ABCA4: variants seen among roughly 807,000 people sequenced by gnomAD.
ABCA4 encodes the protein retinal-specific phospholipid-transporting ATPase ABCA4.
A neutral mutation model predicts 263.7 loss-of-function variants in ABCA4; 196 were observed. The ratio of observed to expected loss-of-function variants is 0.74; its 90% CI spans 0.66 to 0.84. The LOEUF is 0.84. ABCA4 is among the 40% of genes least tolerant of loss of function. The probability of loss-of-function intolerance (pLI) is 0.00; values close to 1 mark genes in which losing one functional copy is unlikely to be tolerated. For missense variants in ABCA4, 2,792 were observed against 2,855.1 expected (o/e 0.98, Z 0.50); for synonymous variants, 1,133 against 1,094.2 (o/e 1.04, Z -0.70).
intron 42 of ABCA4, 71 bp from the exon 43 acceptor site, chr1:94,007,811 G>A: frequency 1.4e-6 from 2 of 1,387,176 alleles, no homozygotes; most frequent in Non-Finnish European, 2.0e-6. Context: ...CCCAGGGTAA[G>A]TGTGTGTGTG....
chr1:94,040,023 A>T lies in ABCA4; in HGVS notation c.3607+20T>A. On this transcript the variant is annotated intron_variant, in intron 24 of 49. Coordinates refer to ENST00000370225, the MANE Select transcript of ABCA4 (RefSeq NM_000350.3). ...GATGGCTGCCAGACGGAACCCAAGT[A>T]TGGCCCGTCCAGTCCTTACCATCCA... 1 of 1,582,502 alleles carries T rather than the reference A, an allele frequency of 6.3e-7. No homozygotes were observed. The highest frequency in any genetic ancestry group is 8.6e-7 in the Non-Finnish European group (1 of 1,160,440).
chr1:94,111,255 A>G (rs1015564565), intron 3 of ABCA4, among the ~76,000 whole-genome samples, 183 bp downstream of exon 3: 1 of 152,226 alleles, frequency 6.6e-6, no homozygotes, highest in African/African-American at 2.4e-5. Context: ...ATTTCTCCCC[A>G]AGTGCCCTGA....
chr1:94,018,315 C>T (rs753264500), intron 36 of ABCA4, among the ~76,000 whole-genome samples: 4 of 152,192 alleles, frequency 2.6e-5, no homozygotes, highest in African/African-American at 4.8e-5. Flanking sequence ...AGTAACTTTT[C>T]GGTACCGGTG....
At chr1:94,026,329 G>A (rs796878514) in intron 30 of ABCA4, among the ~76,000 whole-genome samples, 2 of 152,160 alleles carry the variant, frequency 1.3e-5, no homozygotes, top group African/African-American at 4.8e-5. Flanking sequence ...CCTGTGTGTC[G>A]GGCACTATGT....
intron 26 of ABCA4, among the ~76,000 whole-genome samples, chr1:94,034,385 T>G (rs572889637): frequency 6.6e-5 from 10 of 152,256 alleles, no homozygotes; most frequent in African/African-American, 1.4e-4. Context: ...ATCATTTCCA[T>G]GTTGATCCCT....
chr1:94,073,675 G>A (rs893910926), intron 11 of ABCA4, among the ~76,000 whole-genome samples: 3 of 152,190 alleles, frequency 2.0e-5, no homozygotes, highest in Non-Finnish European at 4.4e-5. Flanking sequence ...TCCAGAGACT[G>A]AATTCTTAAC....
At chr1:94,047,286 T>C (rs986149434) in intron 18 of ABCA4, among the ~76,000 whole-genome samples, 193 bp from the exon 19 acceptor site, 5 of 152,336 alleles carry the variant, frequency 3.3e-5, no homozygotes, top group African/African-American at 1.2e-4. Context: ...ACCTCCTATA[T>C]GCCAGGCACT....
At chr1:94,025,410 C>T (rs1165632489) in intron 30 of ABCA4, among the ~76,000 whole-genome samples, 1 of 152,178 alleles carries the variant, frequency 6.6e-6, no homozygotes, top group East Asian at 1.9e-4. Context: ...CCGTTTTCCA[C>T]CCAGCAGCCA....
At position 94,031,846 on chromosome 1, in the gene ABCA4, G is replaced by A; in HGVS notation, c.4060C>T (p.His1354Tyr). The change falls in exon 27 of 50, where the codon CAT (histidine) becomes TAT (tyrosine). Residue 1354 changes from histidine to tyrosine, a missense_variant. Coordinates refer to ENST00000370225, the MANE Select transcript of ABCA4 (RefSeq NM_000350.3). ...CTCTTGACCAGCAGCGCCTGCACATGCTGGAGGACCAGCTGTGTCCCCGTG... is the reference window on the plus strand; with the variant it reads ...CTCTTGACCAGCAGCGCCTGCACATACTGGAGGACCAGCTGTGTCCCCGTG... Reference protein sequence around the residue: ...LNTGTQLVLQHVQALLVKRFQ... With the variant: ...LNTGTQLVLQYVQALLVKRFQ... 2 of 1,614,172 alleles carry A rather than the reference G, an allele frequency of 1.2e-6. No individual in the cohort carries two copies. The highest frequency in any genetic ancestry group is 1.7e-6 in the Non-Finnish European group (2 of 1,180,032).
At chr1:94,074,689 G>C (rs1038358683) in intron 11 of ABCA4, among the ~76,000 whole-genome samples, 2 of 152,216 alleles carry the variant, frequency 1.3e-5, no homozygotes, top group African/African-American at 4.8e-5. Flanking sequence ...ATAGATGCTG[G>C]TGAGGCTGTT....
At chr1:94,020,442 C>G (rs1218426500) in intron 35 of ABCA4, among the ~76,000 whole-genome samples, 1 of 152,348 alleles carries the variant, frequency 6.6e-6, no homozygotes, top group Non-Finnish European at 1.5e-5. Flanking sequence ...GTGGTAGTCA[C>G]TACCTTGATA....
chr1:94,090,763 G>T (rs1250776644), intron 6 of ABCA4, among the ~76,000 whole-genome samples: 2 of 152,176 alleles, frequency 1.3e-5, no homozygotes, highest in Non-Finnish European at 2.9e-5. Context: ...TCTGGGCATG[G>T]TACACAGTAG....
chr1:94,047,927 C>G (rs1020487969), intron 18 of ABCA4, among the ~76,000 whole-genome samples: 3 of 152,218 alleles, frequency 2.0e-5, no homozygotes, highest in African/African-American at 7.2e-5. Context: ...TACTGTAGCT[C>G]TAAGCATTTC....
At chr1:94,064,984 A>C (rs569724167) in intron 11 of ABCA4, among the ~76,000 whole-genome samples, 1 of 152,280 alleles carries the variant, frequency 6.6e-6, no homozygotes, top group South Asian at 2.1e-4. Context: ...TGCAGGCTTT[A>C]AGGAACAGAT....
intron 36 of ABCA4, among the ~76,000 whole-genome samples, chr1:94,016,079 C>G (rs1318710267): frequency 1.3e-5 from 2 of 152,166 alleles, no homozygotes; most frequent in Non-Finnish European, 2.9e-5. Context: ...TAGTTTGTAT[C>G]TTTTGAAAGG....
At position 94,041,279 on chromosome 1, in the gene ABCA4, A is replaced by G; in HGVS notation, c.3452T>C (p.Phe1151Ser). 6.2e-7 allele frequency: 1 copy of G among 1,614,136 alleles called. No individual in the cohort carries two copies. The highest frequency in any genetic ancestry group is 8.5e-7 in the Non-Finnish European group (1 of 1,180,008). ...SGTPLFLKNC[F>S]GTGLYLTLVR... is the part of the protein sequence containing the mutation. ...CAAGGTTAAGTACAAGCCTGTGCCA[A>G]AGCAGTTCTTCAGGAAGAGTGGGGT... is the stretch of plus-strand genomic sequence containing the variant. The change falls in exon 23 of 50, where the codon TTT becomes TCT. Residue 1151 changes from phenylalanine (F) to serine (S), a missense_variant. Phe to Ser is a radical substitution (Grantham distance 155, BLOSUM62 -2). Coordinates refer to ENST00000370225, the MANE Select transcript of ABCA4 (RefSeq NM_000350.3).
chr1:94,077,406 A>G (rs1177210058), intron 11 of ABCA4, among the ~76,000 whole-genome samples: 7 of 152,196 alleles, frequency 4.6e-5, no homozygotes, highest in Non-Finnish European at 1.0e-4. Flanking sequence ...GTCAGACAGA[A>G]GAGGGTTGAG....
chr1:94,028,685 T>C (rs970711395), intron 30 of ABCA4, among the ~76,000 whole-genome samples: 2 of 151,992 alleles, frequency 1.3e-5, no homozygotes, highest in African/African-American at 4.8e-5. Context: ...AGTGGGTAGA[T>C]CACTTGAGGC....
At chr1:94,104,959 ACACACGCATG>A in intron 4 of ABCA4, among the ~76,000 whole-genome samples, 1 of 152,004 alleles carries the variant, frequency 6.6e-6, no homozygotes, top group South Asian at 2.1e-4. Context: ...ACACGCACAC[ACACACGCATG>A]CACACACATG....
Sources: gnomAD v4.1 joint callset for allele counts (sites outside exome capture counted in the v4.1 genomes callset) on GRCh38, gnomAD v4.1.1 for gene constraint, MANE v1.5 for transcripts, NCBI Gene and HGNC (gene_info 2026-07-23, HGNC 2026-07-21) for gene names.